Variants in CNTNAP2 observed in about 807,000 individuals in gnomAD.
CNTNAP2 encodes contactin associated protein 2, also known as contactin-associated protein-like 2.
A neutral mutation model predicts 155.2 loss-of-function variants in CNTNAP2; 98 were observed. The observed-to-expected ratio is 0.63, with a 90% CI of 0.54 to 0.75. The LOEUF (loss-of-function observed/expected upper bound fraction) is 0.75, where lower values mean the gene tolerates loss of function less well. CNTNAP2 is among the 30% of genes least tolerant of loss of function. The pLI, the probability that CNTNAP2 is intolerant of heterozygous loss-of-function variation, is 0.00. For missense variants in CNTNAP2, 1,727 were observed against 1,688.1 expected, an observed-to-expected ratio of 1.02 and a Z score of -0.40; for synonymous variants, 651 against 631.2, an observed-to-expected ratio of 1.03 and a Z score of -0.47.
At chr7:148,316,026 C>T (rs1487016710) in intron 21 of CNTNAP2, among the ~76,000 whole-genome samples, 2 of 151,852 alleles carry the variant, frequency 1.3e-5, no homozygotes, top group African/African-American at 2.4e-5. Flanking sequence ...GAGCATCCTT[C>T]TTAAGTCAAA....
intron 8 of CNTNAP2, among the ~76,000 whole-genome samples, chr7:147,277,760 A>T (rs2116718907): frequency 6.8e-6 from 1 of 147,642 alleles, no homozygotes; most frequent in South Asian, 2.1e-4. Context: ...TTCTTACTAG[A>T]TTAAGTTCAA....
intron 15 of CNTNAP2, among the ~76,000 whole-genome samples, chr7:148,092,823 T>C (rs1166901817): frequency 1.4e-5 from 2 of 146,686 alleles, no homozygotes; most frequent in Non-Finnish European, 3.0e-5. Flanking sequence ...AGTATGAAAA[T>C]GATTTATTAG....
chr7:148,208,131 A>G (rs1795484894), intron 18 of CNTNAP2, among the ~76,000 whole-genome samples: 1 of 151,730 alleles, frequency 6.6e-6, no homozygotes, highest in Admixed American at 6.6e-5. Flanking sequence ...CCAAAGTGAA[A>G]CCCAAGTGCC....
chr7:147,116,434 A>G (rs1800990702), intron 5 of CNTNAP2, among the ~76,000 whole-genome samples: 1 of 152,046 alleles, frequency 6.6e-6, no homozygotes, highest in Non-Finnish European at 1.5e-5. Context: ...GAGAAGCCTG[A>G]ATGTCCAAGT....
intron 1 of CNTNAP2, among the ~76,000 whole-genome samples, chr7:146,426,111 G>T (rs761105023): frequency 1.3e-5 from 2 of 148,778 alleles, no homozygotes; most frequent in Non-Finnish European, 3.0e-5. Context: ...TTTTGAACTC[G>T]GGAGGCGGAG....
intron 1 of CNTNAP2, among the ~76,000 whole-genome samples, chr7:146,418,448 G>C (rs1795967131): frequency 6.6e-6 from 1 of 152,090 alleles, no homozygotes; most frequent in East Asian, 1.9e-4. Flanking sequence ...TACTTCTTTT[G>C]CAAAGTTTCC....
intron 1 of CNTNAP2, among the ~76,000 whole-genome samples, chr7:146,368,013 C>T (rs533517457): frequency 3.3e-5 from 5 of 152,182 alleles, no homozygotes; most frequent in African/African-American, 9.6e-5. Context: ...AAAGGTTGAA[C>T]ATTCCACTTC....
chr7:147,067,754 T>C (rs1238245007), intron 4 of CNTNAP2, among the ~76,000 whole-genome samples: 1 of 152,180 alleles, frequency 6.6e-6, no homozygotes, highest in East Asian at 1.9e-4. Flanking sequence ...AGAAAATAAT[T>C]TCAACAAGCA....
chr7:146,953,682 G>A (rs963543148), intron 3 of CNTNAP2, among the ~76,000 whole-genome samples: 51 of 151,944 alleles, frequency 3.4e-4, no homozygotes, highest in African/African-American at 1.2e-3. Flanking sequence ...TGAACTTGTT[G>A]AAAATGGAGA....
intron 13 of CNTNAP2, among the ~76,000 whole-genome samples, chr7:147,779,027 G>T (rs1797628298): frequency 6.6e-6 from 1 of 152,114 alleles, no homozygotes; most frequent in African/African-American, 2.4e-5. Flanking sequence ...AATAAGGCTA[G>T]CATGAGAAAT....
intron 20 of CNTNAP2, among the ~76,000 whole-genome samples, chr7:148,263,446 T>C (rs372210876): frequency 1.7e-4 from 26 of 151,100 alleles, no homozygotes; most frequent in African/African-American, 5.8e-4. Context: ...CAAAACAAAA[T>C]ATATAAAAGT....
At chr7:148,310,688 T>C (rs185858266) in intron 21 of CNTNAP2, among the ~76,000 whole-genome samples, 71 of 152,146 alleles carry the variant, frequency 4.7e-4, no homozygotes, top group Non-Finnish European at 7.8e-4. Context: ...GGTAGACACA[T>C]GTAGGTAGAG....
intron 3 of CNTNAP2, among the ~76,000 whole-genome samples, chr7:146,878,442 C>G (rs67880933): frequency 0.15 from 22,341 of 149,214 alleles, 2,111 homozygotes; most frequent in African/African-American, 0.26. Context: ...CACAAGTACT[C>G]TTGAGTTTTT....
intron 3 of CNTNAP2, among the ~76,000 whole-genome samples, chr7:146,875,933 GCAAAAAAAAA>G (rs1795413683): frequency 6.6e-5 from 1 of 15,264 alleles, no homozygotes; most frequent in African/African-American, 4.2e-4. Context: ...CACATACACA[GCAAAAAAAAA>G]AAAAAAAAAA....
chr7:146,832,557 TTAGA>T (rs1409566687), intron 2 of CNTNAP2, among the ~76,000 whole-genome samples: 1 of 147,950 alleles, frequency 6.8e-6, no homozygotes, highest in African/African-American at 2.5e-5. Flanking sequence ...TATACTATGT[TTAGA>T]TATTTAATCT....
intron 1 of CNTNAP2, among the ~76,000 whole-genome samples, chr7:146,496,525 A>G (rs1797217397): frequency 6.6e-6 from 1 of 152,202 alleles, no homozygotes. Context: ...GCACAAATTA[A>G]TTCTGCCAGT....
At chr7:147,630,316 T>TAAAAAAAAAAAAAAAAAAAAAAAAAAAA (rs71183024) in intron 12 of CNTNAP2, among the ~76,000 whole-genome samples, 3 of 73,108 alleles carry the variant, frequency 4.1e-5, no homozygotes, top group South Asian at 7.9e-4. Flanking sequence ...GAAACAGTAG[T>TAAAAAAAAAAAAAAAAAAAAAAAAAAAA]AAAAAAAAAA....
intron 3 of CNTNAP2, among the ~76,000 whole-genome samples, chr7:146,882,676 G>A (rs1795576889): frequency 6.6e-6 from 1 of 152,122 alleles, no homozygotes; most frequent in African/African-American, 2.4e-5. Flanking sequence ...TTATAGCAGT[G>A]TGAGAACAGA....
rs1361181243 is a variant in CNTNAP2 at position 147,967,972 on chromosome 7, GT to G, written c.2256-9883del. ...CAATACAAGAAAGGCTTGTTGTTGG[GT>G]TTTTTTCATCTCTCTCCATTGATAG... On this transcript the variant is annotated intron_variant, in intron 14 of 23. Transcript: ENST00000361727. 2.0e-5 allele frequency among the ~76,000 whole-genome samples: 3 copies of G among 152,246 alleles called. No homozygotes were observed. In the East Asian group the frequency reaches 5.8e-4, roughly 29 times the overall value.
Sources: allele counts gnomAD v4.1 joint callset (sites outside exome capture counted in the v4.1 genomes callset), GRCh38; gene constraint gnomAD v4.1.1; transcripts MANE v1.5; gene names NCBI Gene and HGNC (gene_info 2026-07-23, HGNC 2026-07-21).